The following NME7 variants were observed in gnomAD, a reference collection of about 807,000 sequenced individuals.
NME7 encodes nucleoside diphosphate kinase 7.
A neutral mutation model predicts 49.1 loss-of-function variants in NME7; 41 were observed. The observed-to-expected ratio is 0.83, with a 90% CI of 0.65 to 1.08. The LOEUF is 1.08. Ranked by LOEUF, NME7 falls within the 50% of genes least tolerant of loss-of-function variation. The pLI is 0.00. For synonymous variants in NME7, 139 were observed against 150.6 expected (o/e 0.92, Z 0.56); for missense variants, 423 against 463.4 (o/e 0.91, Z 0.80).
chr1:169,194,243 G>C (rs1471417347), intron 10 of NME7, among the ~76,000 whole-genome samples: 1 of 152,158 alleles, frequency 6.6e-6, no homozygotes, highest in African/African-American at 2.4e-5. Context: ...GGAATGGAAG[G>C]CAAGGGACAA....
chr1:169,349,027 C>T (rs1653054989), intron 1 of NME7, among the ~76,000 whole-genome samples: 1 of 151,664 alleles, frequency 6.6e-6, no homozygotes, highest in Non-Finnish European at 1.5e-5. Flanking sequence ...TTTTAAAAAA[C>T]TGAGGTTTCC....
chr1:169,352,677 C>A (rs1405621841), intron 1 of NME7, among the ~76,000 whole-genome samples: 1 of 151,998 alleles, frequency 6.6e-6, no homozygotes, highest in Non-Finnish European at 1.5e-5. Flanking sequence ...CCTAAAGACT[C>A]CACCAAAAGA....
At chr1:169,133,080 CAT>C (rs755262264) in intron 11 of NME7, among the ~76,000 whole-genome samples, 43 of 150,430 alleles carry the variant, frequency 2.9e-4, no homozygotes, top group Non-Finnish European at 5.3e-4. Flanking sequence ...CTTCACTAGA[CAT>C]ATGTGTTAAA....
At chr1:169,358,376 CA>C (rs1398810919) in intron 1 of NME7, among the ~76,000 whole-genome samples, 3 of 151,942 alleles carry the variant, frequency 2.0e-5, no homozygotes, top group Non-Finnish European at 2.9e-5. Context: ...GATTACATAA[CA>C]CACAGCTCAT....
At chr1:169,155,926 C>T (rs1659054022) in intron 11 of NME7, among the ~76,000 whole-genome samples, 1 of 151,892 alleles carries the variant, frequency 6.6e-6, no homozygotes, top group Admixed American at 6.6e-5. Context: ...CCAATAGCAT[C>T]AGCACTAACT....
At chr1:169,141,997 G>A (rs1353007308) in intron 11 of NME7, among the ~76,000 whole-genome samples, 1 of 152,138 alleles carries the variant, frequency 6.6e-6, no homozygotes, top group East Asian at 1.9e-4. Flanking sequence ...TACTCTTCAA[G>A]TAGATAAAAT....
intron 10 of NME7, among the ~76,000 whole-genome samples, chr1:169,188,564 C>T (rs1249111483): frequency 6.6e-6 from 1 of 152,194 alleles, no homozygotes; most frequent in Non-Finnish European, 1.5e-5. Context: ...AAGCACACTG[C>T]TCTGCACTTG....
intron 10 of NME7, among the ~76,000 whole-genome samples, chr1:169,213,205 A>AG (rs1660881732): frequency 6.6e-6 from 1 of 152,164 alleles, no homozygotes; most frequent in African/African-American, 2.4e-5. Flanking sequence ...ACACAAAACA[A>AG]GGTTATATAT....
rs946536936 is a variant in NME7 at position 169,215,191 on chromosome 1, G to T, written c.990+15527C>A. Among the ~76,000 whole-genome samples, 40 of 152,308 alleles carry T rather than the reference G, an allele frequency of 2.6e-4. 1 individual carries two copies. Among genetic ancestry groups the T allele is most frequent in the African/African-American group, 9.4e-4 (39 of 41,566 alleles). ...TTGCCTCTCTCCCTCTCTCCTTGAA[G>T]TCAAGCTGCCTCCTTCTGACATCCA... On this transcript the variant is annotated intron_variant, in intron 10 of 11. Transcript: ENST00000367811.
At chr1:169,203,340 C>G (rs959720240) in intron 10 of NME7, among the ~76,000 whole-genome samples, 13 of 152,228 alleles carry the variant, frequency 8.5e-5, no homozygotes, top group South Asian at 2.1e-4. Flanking sequence ...GGCCCTCTCT[C>G]CCTGTCAGAG....
At chr1:169,167,552 C>G (rs1315130457) in intron 11 of NME7, among the ~76,000 whole-genome samples, 3 of 151,816 alleles carry the variant, frequency 2.0e-5, no homozygotes, top group Non-Finnish European at 4.4e-5. Context: ...TTACAGTTTC[C>G]TTCTTGGATT....
intron 5 of NME7, among the ~76,000 whole-genome samples, chr1:169,301,058 T>C (rs1213154573): frequency 6.6e-6 from 1 of 152,050 alleles, no homozygotes; most frequent in Non-Finnish European, 1.5e-5. Flanking sequence ...TCAAAAGTAA[T>C]GGCAACGAAA....
Position 169,367,749 on chromosome 1 carries a change from A to T in NME7, c.-39T>A, listed in dbSNP as rs753034821. 5.0e-6 allele frequency: 8 copies of T among 1,613,338 alleles called. No individual in the cohort carries two copies. Among genetic ancestry groups the T allele is most frequent in the Middle Eastern group, 1.6e-4 (1 of 6,084 alleles). The stretch of plus-strand genomic sequence containing the variant: ...CAGCACTAGAAAATAGGTATCGTTG[A>T]GACAGGAAGACACCACCACCACCAC... On this transcript the variant is annotated 5_prime_UTR_variant, in exon 1 of 12. Transcript: ENST00000367811.
intron 7 of NME7, among the ~76,000 whole-genome samples, chr1:169,273,196 T>C: frequency 7.5e-6 from 1 of 132,852 alleles, no homozygotes; most frequent in East Asian, 2.0e-4. Context: ...TCTCCTAATG[T>C]CATCCCTCCC....
intron 11 of NME7, among the ~76,000 whole-genome samples, chr1:169,142,984 T>C (rs1289562934): frequency 6.6e-6 from 1 of 152,178 alleles, no homozygotes; most frequent in Non-Finnish European, 1.5e-5. Context: ...AACTAATGCC[T>C]AGACACATTT....
At chr1:169,201,118 C>G (rs1406632124) in intron 10 of NME7, among the ~76,000 whole-genome samples, 1 of 152,042 alleles carries the variant, frequency 6.6e-6, no homozygotes, top group Non-Finnish European at 1.5e-5. Flanking sequence ...GTAGTCCCAG[C>G]TACTTGGCAG....
At chr1:169,204,751 A>G (rs370385169) in intron 10 of NME7, among the ~76,000 whole-genome samples, 1 of 152,026 alleles carries the variant, frequency 6.6e-6, no homozygotes, top group African/African-American at 2.4e-5. Context: ...TTCTTACAAC[A>G]GTTTGCAAGC....
chr1:169,330,502 A>AC (rs1374567537), intron 1 of NME7, among the ~76,000 whole-genome samples: 6 of 152,024 alleles, frequency 3.9e-5, no homozygotes, highest in Non-Finnish European at 8.8e-5. Flanking sequence ...ACATAGTGAA[A>AC]CCCCCATCTC....
rs768793477 is a variant in NME7, at chr1:169,237,661, T to C, written c.781A>G (p.Ile261Val). ...EGLLGKILMA[I>V]RDAGFEISAM... ...GAGATTTCAAAACCTGCATCTCGGA[T>C]AGCCATCAGGATCTTTCCCAACAGT... Residue 261 changes from isoleucine (I) to valine (V), a missense_variant, in exon 8 of 12, where the codon ATC becomes GTC. By Grantham distance (29) the Ile-to-Val change is conservative (BLOSUM62 3). Transcript: ENST00000367811. 4 of 1,611,338 alleles carry C rather than the reference T, an allele frequency of 2.5e-6. No individual in the cohort carries two copies. The highest frequency in any genetic ancestry group is 2.2e-5 in the East Asian group (1 of 44,746).
Sources: gnomAD v4.1 joint callset for allele counts (sites outside exome capture counted in the v4.1 genomes callset) on GRCh38, gnomAD v4.1.1 for gene constraint, MANE v1.5 for transcripts, NCBI Gene and HGNC (gene_info 2026-07-23, HGNC 2026-07-21) for gene names.